The following EIF3K variants were observed in gnomAD, a reference collection of about 807,000 sequenced individuals.
The protein encoded by EIF3K is eIF-3 p28.
Under a neutral mutation model 34.2 loss-of-function variants are expected in EIF3K, and 27 were observed. The observed-to-expected ratio is 0.79, with a 90% CI of 0.58 to 1.09. The LOEUF is 1.09. Ranked by LOEUF, EIF3K falls within the 50% of genes least tolerant of loss-of-function variation. EIF3K has a pLI of 0.00. For missense variants in EIF3K, 232 were observed against 275.4 expected, an observed-to-expected ratio of 0.84 and a Z score of 1.11; for synonymous variants, 105 against 105.7, an observed-to-expected ratio of 0.99 and a Z score of 0.04.
chr19:38,636,125 T>G (rs1275219769), intron 7 of EIF3K, among the ~76,000 whole-genome samples: 1 of 152,168 alleles, frequency 6.6e-6, no homozygotes, highest in Admixed American at 6.5e-5. Context: ...AGCAAAAGAT[T>G]CTGTAGTGAG....
intron 7 of EIF3K, 56 bp from the exon 8 acceptor site, chr19:38,636,833 C>T (rs1003472175): frequency 1.5e-5 from 24 of 1,607,846 alleles, no homozygotes; most frequent in Non-Finnish European, 8.5e-7. Context: ...TAGCAGGTGG[C>T]TGGAGGTTTG....
chr19:38,625,881 G>C (rs80041696), intron 3 of EIF3K, 147 bp from the exon 4 acceptor site: 1 of 749,792 alleles, frequency 1.3e-6, no homozygotes, highest in Non-Finnish European at 2.4e-6. Context: ...ACACCTGCAG[G>C]AGAAATAAGC....
At chr19:38,625,986 TACGC>T (rs781718573) in intron 3 of EIF3K, 38 bp from the exon 4 acceptor site, 1 of 1,600,220 alleles carries the variant, frequency 6.2e-7, no homozygotes, top group Non-Finnish European at 8.6e-7. Flanking sequence ...GGTCCAACCT[TACGC>T]TCCGAGGCCA....
chr19:38,632,727 A>C (rs1176006321), intron 6 of EIF3K, 49 bp downstream of exon 6: 58 of 1,537,164 alleles, frequency 3.8e-5, no homozygotes, highest in Non-Finnish European at 5.0e-5. Context: ...GGGGGTGGCT[A>C]GGGCAGTGGA....
intron 4 of EIF3K, among the ~76,000 whole-genome samples, chr19:38,626,751 C>G (rs1975959417): frequency 6.6e-6 from 1 of 152,172 alleles, no homozygotes; most frequent in Admixed American, 6.5e-5. Context: ...GCTAGATCAC[C>G]TCCTGGCTCC....
At chr19:38,633,849 T>C (rs1332611614) in intron 6 of EIF3K, among the ~76,000 whole-genome samples, 1 of 152,022 alleles carries the variant, frequency 6.6e-6, no homozygotes, top group African/African-American at 2.4e-5. Context: ...GGCATGTGCC[T>C]GTAATCCCAG....
intron 7 of EIF3K, among the ~76,000 whole-genome samples, chr19:38,636,408 G>A (rs1408299984): frequency 3.9e-5 from 6 of 152,098 alleles, no homozygotes; most frequent in Non-Finnish European, 7.3e-5. Flanking sequence ...ACTTGAACCC[G>A]GAAGGTGGAG....
intron 1 of EIF3K, 73 bp from the exon 2 acceptor site, chr19:38,620,264 G>T: frequency 2.3e-6 from 3 of 1,286,894 alleles, no homozygotes; most frequent in Non-Finnish European, 3.3e-6. Context: ...GGTTACAGTG[G>T]CCCCTTGCTC....
intron 4 of EIF3K, among the ~76,000 whole-genome samples, chr19:38,631,532 C>T (rs1012947397): frequency 6.6e-6 from 1 of 152,208 alleles, no homozygotes; most frequent in Non-Finnish European, 1.5e-5. Flanking sequence ...GGCGGTTTCC[C>T]CCTATCTCAG....
chr19:38,636,497 G>A (rs1443784176), intron 7 of EIF3K, among the ~76,000 whole-genome samples: 1 of 152,134 alleles, frequency 6.6e-6, no homozygotes, highest in African/African-American at 2.4e-5. Flanking sequence ...AAAAACTTAA[G>A]AGTATCCTGC....
At chr19:38,627,675 CAAA>C (rs950887744) in intron 4 of EIF3K, among the ~76,000 whole-genome samples, 3 of 136,360 alleles carry the variant, frequency 2.2e-5, no homozygotes. Flanking sequence ...GACTCCGTCT[CAAA>C]AAAAAAAAAA....
chr19:38,624,194 A>G lies in EIF3K; in HGVS notation c.276A>G (p.Ala92=). 1.2e-6 allele frequency: 2 copies of G among 1,614,154 alleles called. No homozygotes were observed. The highest frequency in any genetic ancestry group is 1.7e-6 in the Non-Finnish European group (2 of 1,180,000). ...FTLCKCMIDQ[A]HQEERPIRQI... The stretch of plus-strand genomic sequence containing the variant: ...TGTGCAAGTGCATGATCGACCAGGC[A>G]CATGTATCCTTCCAGCACTGGGGCC... Residue 92 remains alanine (A), a synonymous_variant, in exon 3 of 8, where the codon GCA becomes GCG. Coordinates refer to ENST00000248342, the MANE Select transcript of EIF3K (RefSeq NM_013234.4).
intron 4 of EIF3K, among the ~76,000 whole-genome samples, chr19:38,627,000 T>C (rs988448695): frequency 1.3e-5 from 2 of 152,198 alleles, no homozygotes; most frequent in Admixed American, 6.5e-5. Context: ...TATTTTGTTT[T>C]ATTTTTGAGA....
intron 4 of EIF3K, among the ~76,000 whole-genome samples, chr19:38,631,747 C>T (rs990002293): frequency 1.3e-5 from 2 of 152,206 alleles, no homozygotes; most frequent in African/African-American, 4.8e-5. Context: ...CAGACTATCA[C>T]ATGGGGAGAA....
At position 38,632,838 on chromosome 19, in the gene EIF3K, G is replaced by T. The variant is rs1306726274; in HGVS notation, c.499+160G>T. The T allele has an allele frequency of 5.0e-6, 3 of 598,638 alleles. No homozygotes were observed. In the African/African-American group the frequency reaches 5.6e-5, roughly 11 times the overall value. 37.1% of individuals were successfully genotyped at this position (598,638 alleles called of 1,614,324 possible). On this transcript the variant is annotated intron_variant, in intron 6 of 7. Transcript: ENST00000248342. ...AAGAACTTGGTATAAGACAGTCTCTGCCTTGAGGGAGATCCTATGCCATTT... is the reference window on the plus strand; with the variant it reads ...AAGAACTTGGTATAAGACAGTCTCTTCCTTGAGGGAGATCCTATGCCATTT...
At chr19:38,624,292 AAAC>A (rs1394601682) in intron 3 of EIF3K, 95 bp downstream of exon 3, 20 of 1,562,720 alleles carry the variant, frequency 1.3e-5, no homozygotes, top group Admixed American at 5.4e-5. Context: ...GTGTATCCAC[AAAC>A]AACAAGTGCC....
At chr19:38,620,551 T>A in intron 2 of EIF3K, 116 bp downstream of exon 2, 1 of 888,902 alleles carries the variant, frequency 1.1e-6, no homozygotes, top group Non-Finnish European at 1.8e-6. Flanking sequence ...TCTCTTGGTG[T>A]GCAAGACTAG....
intron 6 of EIF3K, among the ~76,000 whole-genome samples, chr19:38,633,713 G>T (rs1195104481): frequency 6.6e-6 from 1 of 151,318 alleles, no homozygotes; most frequent in Non-Finnish European, 1.5e-5. Flanking sequence ...AACTAAGGAA[G>T]GCCACGTGTG....
In EIF3K at chr19:38,619,236, C is replaced by G. The variant is rs1345230875; in HGVS notation, c.-33C>G. The stretch of plus-strand genomic sequence containing the variant: ...GACGCCGTGCCGGGTCAGTGTTAGC[C>G]TCCAGCCCTGGTTGTGGAAGGCGAC... On this transcript the variant is annotated 5_prime_UTR_variant, in exon 1 of 8. Coordinates refer to ENST00000248342, the MANE Select transcript of EIF3K (RefSeq NM_013234.4). The G allele has an allele frequency of 6.2e-7, 1 of 1,613,202 alleles. No individual in the cohort carries two copies. The highest frequency in any genetic ancestry group is 1.3e-5 in the African/African-American group (1 of 74,918).
Sources: allele counts gnomAD v4.1 joint callset (sites outside exome capture counted in the v4.1 genomes callset), GRCh38; gene constraint gnomAD v4.1.1; transcripts MANE v1.5; gene names NCBI Gene and HGNC (gene_info 2026-07-23, HGNC 2026-07-21).